NOL8: variants seen among roughly 807,000 people sequenced by gnomAD.
NOL8 encodes the protein nucleolar protein Nop132.
A neutral mutation model predicts 116.1 loss-of-function variants in NOL8; 93 were observed. The observed-to-expected ratio is 0.80, with a 90% CI of 0.68 to 0.95. The LOEUF (loss-of-function observed/expected upper bound fraction) is 0.95, where lower values mean the gene tolerates loss of function less well. NOL8 is among the 40% of genes least tolerant of loss of function. The pLI is 0.00. For synonymous variants in NOL8, 419 were observed against 469.0 expected, an observed-to-expected ratio of 0.89 and a Z score of 1.38; for missense variants, 1,291 against 1,382.8, an observed-to-expected ratio of 0.93 and a Z score of 1.05.
chr9:92,321,794 T>G (rs1839951554), intron 3 of NOL8, 48 bp from the exon 4 acceptor site: 1 of 932,218 alleles, frequency 1.1e-6, no homozygotes, highest in Non-Finnish European at 1.6e-6. Flanking sequence ...TAAAAATATA[T>G]TTCAGCTTGT....
chr9:92,318,763 C>A, intron 5 of NOL8, 77 bp from the exon 6 acceptor site: 14 of 924,312 alleles, frequency 1.5e-5, no homozygotes, highest in Middle Eastern at 2.3e-4. Context: ...TAGGTAAATA[C>A]AACAAAAAAA....
chr9:92,301,350 C>G (rs1237092273), intron 13 of NOL8, among the ~76,000 whole-genome samples: 1 of 152,152 alleles, frequency 6.6e-6, no homozygotes, highest in Non-Finnish European at 1.5e-5. Flanking sequence ...TAGAGATTTG[C>G]TTCCTTAAAT....
Position 92,314,813 on chromosome 9 carries a change from T to C in NOL8, c.1812A>G (p.Lys604=). ...ASNNKDQNSM[K]HEDPSIISME... ...TGGATATGATACTGGGATCCTCATG[T>C]TTCATGGAATTCTGATCTTTATTGT... Residue 604 remains lysine (K), a synonymous_variant, in exon 7 of 17, where the codon AAA becomes AAG. Coordinates refer to ENST00000442668, the MANE Select transcript of NOL8 (RefSeq NM_017948.6). The C allele has an allele frequency of 6.2e-7, 1 of 1,613,496 alleles. No homozygotes were observed. The highest frequency in any genetic ancestry group is 8.5e-7 in the Non-Finnish European group (1 of 1,179,724).
intron 3 of NOL8, 58 bp downstream of exon 3, chr9:92,323,383 C>A: frequency 6.5e-7 from 1 of 1,545,442 alleles, no homozygotes; most frequent in South Asian, 1.2e-5. Context: ...ACCAGTTATT[C>A]CAAGTTACAG....
At chr9:92,299,567 A>G (rs1300760471) in intron 14 of NOL8, among the ~76,000 whole-genome samples, 1 of 152,126 alleles carries the variant, frequency 6.6e-6, no homozygotes, top group Non-Finnish European at 1.5e-5. Context: ...CCTGGCCAAC[A>G]TGGTGAAACC....
chr9:92,301,907 A>G (rs774936327), intron 12 of NOL8, 85 bp from the exon 13 acceptor site: 114 of 1,184,154 alleles, frequency 9.6e-5, no homozygotes, highest in Admixed American at 1.6e-4. Flanking sequence ...AAAATCTTGG[A>G]CAACTTTAAT....
intron 4 of NOL8, chr9:92,319,857 G>A (rs1161851771): frequency 8.4e-6 from 3 of 358,950 alleles, no homozygotes; most frequent in Non-Finnish European, 1.6e-5. Flanking sequence ...TGTCAGGGCT[G>A]TCCCACCAGA....
Position 92,315,456 on chromosome 9 carries a change from T to A in NOL8, c.1169A>T (p.Asn390Ile). ...DTDEIIAMKK[N>I]VAKVKNSTEF... ...TGTACTGTTTTTGACCTTAGCAACA[T>A]TTTTTTTCATCGCAATAATTTCATC... Residue 390 changes from asparagine (N) to isoleucine (I), a missense_variant, in exon 7 of 17, where the codon AAT (asparagine) becomes ATT (isoleucine). Physicochemically the swap from Asn to Ile is moderately radical, Grantham distance 149. Transcript: ENST00000442668. 6.3e-7 allele frequency: 1 copy of A among 1,591,880 alleles called. No individual in the cohort carries two copies. The highest frequency in any genetic ancestry group is 8.6e-7 in the Non-Finnish European group (1 of 1,167,816).
At chr9:92,316,241 C>T in intron 6 of NOL8, 103 bp from the exon 7 acceptor site, 1 of 1,253,554 alleles carries the variant, frequency 8.0e-7, no homozygotes, top group Admixed American at 2.8e-5. Flanking sequence ...TCATTTCCCC[C>T]CCCTTTCAGT....
chr9:92,310,806 T>C, intron 8 of NOL8, 131 bp from the exon 9 acceptor site: 1 of 982,252 alleles, frequency 1.0e-6, no homozygotes, highest in Non-Finnish European at 1.5e-6. Context: ...AAATGGCAGG[T>C]CAGGTGGAAA....
chr9:92,297,788 C>A lies in NOL8; in HGVS notation c.*48G>T. The A allele has an allele frequency of 8.5e-6, 12 of 1,406,110 alleles. No individual in the cohort carries two copies. Among genetic ancestry groups the A allele is most frequent in the Non-Finnish European group, 1.2e-5 (12 of 1,038,194 alleles). 87.1% of individuals were successfully genotyped at this position (1,406,110 alleles called of 1,614,324 possible). ...TAAAACTGTTTTCTGGGTCAGTTTC[C>A]TTAGGTGAGCCTTGTTCACATTCAG... On this transcript the variant is annotated 3_prime_UTR_variant, in exon 17 of 17. Coordinates refer to ENST00000442668, the MANE Select transcript of NOL8 (RefSeq NM_017948.6).
chr9:92,306,300 A>G (rs1473201622), intron 11 of NOL8, among the ~76,000 whole-genome samples: 1 of 152,214 alleles, frequency 6.6e-6, no homozygotes, highest in East Asian at 1.9e-4. Context: ...AGCCGAAAAA[A>G]TATTTTAAAC....
rs1008850606 is a variant in NOL8 at position 92,315,597 on chromosome 9, G to C, written c.1028C>G (p.Ser343Ter). ...TAAAGAATGCAGTTTGTGAACGCCT[G>C]ATTTGAAATCATCCCTTACAACTTC... ...PFEVVRDDFK[S>*]GVHKLHSLIG... The change falls in exon 7 of 17, where the codon TCA (serine) becomes TGA (stop). Residue 343 changes from serine to a stop codon, truncating the protein, a stop_gained. Coordinates refer to ENST00000442668, the MANE Select transcript of NOL8 (RefSeq NM_017948.6). LOFTEE classifies it high-confidence loss of function. 3 of 1,612,894 alleles carry C rather than the reference G, an allele frequency of 1.9e-6. No homozygotes were observed. In the African/African-American group the frequency reaches 4.0e-5, roughly 22 times the overall value.
chr9:92,305,841 AAAGG>A lies in NOL8; in HGVS notation c.2826-15_2826-12del. The A allele has an allele frequency of 1.3e-6, 2 of 1,593,124 alleles. No homozygotes were observed. The highest frequency in any genetic ancestry group is 1.7e-6 in the Non-Finnish European group (2 of 1,161,726). On this transcript the variant is annotated splice_polypyrimidine_tract_variant and intron_variant, in intron 11 of 16. Coordinates refer to ENST00000442668, the MANE Select transcript of NOL8 (RefSeq NM_017948.6). ...TAATGTATGATGTCCCTATGTAAAAAAAGGAAGGGAGGTTGGAAGAGATAAAAAC... is the reference window on the plus strand; with the variant it reads ...TAATGTATGATGTCCCTATGTAAAAAAAGGGAGGTTGGAAGAGATAAAAAC...
intron 6 of NOL8, 108 bp from the exon 7 acceptor site, chr9:92,316,246 T>C (rs577776262): frequency 2.5e-6 from 3 of 1,213,136 alleles, no homozygotes; most frequent in African/African-American, 3.1e-5. Context: ...TCCCCCCCCT[T>C]TCAGTTTCCT....
At chr9:92,318,785 T>C (rs754064391) in intron 5 of NOL8, 99 bp from the exon 6 acceptor site, 4 of 712,344 alleles carry the variant, frequency 5.6e-6, no homozygotes, top group Non-Finnish European at 9.0e-6. Context: ...CAGTGGGCTA[T>C]GATTACTGTT....
At chr9:92,324,777 C>T (rs1473424756) in intron 1 of NOL8, 1 of 152,220 alleles carries the variant, frequency 6.6e-6, no homozygotes, top group Non-Finnish European at 1.5e-5. Flanking sequence ...GGTTCAGACA[C>T]AAAGATCAAG....
chr9:92,319,209 G>A lies in NOL8; in HGVS notation c.417+12C>T. ...GACCATGTAATTGGCTCAGGCTACA[G>A]AGGAGACTCACCTTATGCCCTGGCA... On this transcript the variant is annotated intron_variant, in intron 5 of 16. Coordinates refer to ENST00000442668, the MANE Select transcript of NOL8 (RefSeq NM_017948.6). The A allele has an allele frequency of 5.9e-6, 9 of 1,536,462 alleles. No individual in the cohort carries two copies. The highest frequency in any genetic ancestry group is 7.0e-6 in the Non-Finnish European group (8 of 1,150,396).
At chr9:92,299,857 T>G in intron 14 of NOL8, 33 bp downstream of exon 14, 2 of 1,604,476 alleles carry the variant, frequency 1.2e-6, no homozygotes, top group South Asian at 2.2e-5. Flanking sequence ...TTACAAATTA[T>G]GAACTATGCC....
Sources: allele counts gnomAD v4.1 joint callset (sites outside exome capture counted in the v4.1 genomes callset), GRCh38; gene constraint gnomAD v4.1.1; transcripts MANE v1.5; gene names NCBI Gene and HGNC (gene_info 2026-07-23, HGNC 2026-07-21).